MED12L: variants seen among roughly 807,000 people sequenced by gnomAD.
The protein encoded by MED12L is mediator of RNA polymerase II transcription subunit 12-like protein.
MED12L carries 60 observed loss-of-function variants against 281.3 expected under a neutral mutation model. The observed-to-expected ratio is 0.21, with a 90% CI of 0.17 to 0.26. The LOEUF (loss-of-function observed/expected upper bound fraction) is 0.26. MED12L is among the 10% of genes least tolerant of loss of function. The pLI, the probability that MED12L is intolerant of heterozygous loss-of-function variation, is 1.00. For synonymous variants in MED12L, 974 were observed against 987.2 expected, an observed-to-expected ratio of 0.99 and a Z score of 0.25; for missense variants, 2,146 against 2,680.9, an observed-to-expected ratio of 0.80 and a Z score of 4.41.
At chr3:151,127,690 T>C in intron 4 of MED12L, 135 bp from the exon 5 acceptor site, 1 of 593,842 alleles carries the variant, frequency 1.7e-6, no homozygotes, top group Non-Finnish European at 2.8e-6. Flanking sequence ...TATTTGAAAA[T>C]CCATCAAGGA....
chr3:151,160,457 G>T (rs1016510404), intron 8 of MED12L, among the ~76,000 whole-genome samples: 1 of 152,144 alleles, frequency 6.6e-6, no homozygotes, highest in African/African-American at 2.4e-5. Context: ...CACATCTTGG[G>T]TTGGTTGCCT....
At chr3:151,206,519 A>G (rs1226441795) in intron 16 of MED12L, among the ~76,000 whole-genome samples, 1 of 151,924 alleles carries the variant, frequency 6.6e-6, no homozygotes, top group African/African-American at 2.4e-5. Flanking sequence ...ATGGAGGGGA[A>G]ATTTATAATA....
chr3:151,183,183 A>G (rs773333610), intron 11 of MED12L, among the ~76,000 whole-genome samples: 2 of 152,172 alleles, frequency 1.3e-5, no homozygotes, highest in Admixed American at 6.5e-5. Flanking sequence ...AATCTCCTGT[A>G]GTCCTCTCTC....
intron 16 of MED12L, among the ~76,000 whole-genome samples, chr3:151,267,331 G>T (rs1192193350): frequency 6.6e-6 from 1 of 152,178 alleles, no homozygotes; most frequent in Non-Finnish European, 1.5e-5. Flanking sequence ...TACTTCATGA[G>T]AAAAGGAATT....
intron 6 of MED12L, among the ~76,000 whole-genome samples, chr3:151,157,888 A>G (rs2148944312): frequency 6.6e-6 from 1 of 152,340 alleles, no homozygotes; most frequent in South Asian, 2.1e-4. Flanking sequence ...CCCAGAAAAC[A>G]GTTTTTTGTT....
At chr3:151,144,540 T>C (rs1717506325) in intron 5 of MED12L, among the ~76,000 whole-genome samples, 5 of 152,188 alleles carry the variant, frequency 3.3e-5, no homozygotes, top group African/African-American at 1.2e-4. Context: ...CTCGGCCCCC[T>C]GTTTTCTGAC....
intron 16 of MED12L, among the ~76,000 whole-genome samples, chr3:151,228,805 T>C (rs142609081): frequency 2.2e-4 from 34 of 152,328 alleles, no homozygotes; most frequent in African/African-American, 3.1e-4. Context: ...TGGAACTAGG[T>C]TGAGCTGCCT....
At chr3:151,129,189 G>A (rs939811874) in intron 5 of MED12L, among the ~76,000 whole-genome samples, 10 of 152,224 alleles carry the variant, frequency 6.6e-5, no homozygotes, top group Non-Finnish European at 1.0e-4. Context: ...GCCAGGTGGT[G>A]CCCTGGATAA....
intron 16 of MED12L, among the ~76,000 whole-genome samples, chr3:151,339,682 T>C (rs1014380966): frequency 2.0e-5 from 3 of 152,016 alleles, no homozygotes; most frequent in African/African-American, 7.2e-5. Context: ...TGTGTATATA[T>C]GGTCATGAGT....
At chr3:151,101,278 G>A (rs1025523571) in intron 2 of MED12L, among the ~76,000 whole-genome samples, 1 of 152,146 alleles carries the variant, frequency 6.6e-6, no homozygotes, top group Non-Finnish European at 1.5e-5. Flanking sequence ...CATTATAATA[G>A]CCACTATTTA....
intron 38 of MED12L, among the ~76,000 whole-genome samples, chr3:151,391,798 T>C (rs1286576053): frequency 6.6e-6 from 1 of 152,208 alleles, no homozygotes; most frequent in African/African-American, 2.4e-5. Flanking sequence ...TTTTTCCTAT[T>C]ATGTTCACTG....
rs1577330005 is a variant in MED12L, at chr3:151,323,303, T to C, written c.2251-26756T>C. 2.0e-5 allele frequency among the ~76,000 whole-genome samples: 3 copies of C among 152,174 alleles called. No homozygotes were observed. In the South Asian group the frequency reaches 6.2e-4, roughly 32 times the overall value. On this transcript the variant is annotated intron_variant, in intron 16 of 44. Coordinates refer to ENST00000687756, the MANE Select transcript of MED12L (RefSeq NM_001393769.1). ...GGCCTCACTGGCTCTTCCTTCAGTC[T>C]AGAATCATCCTATAGTTGGTCAATT...
intron 16 of MED12L, among the ~76,000 whole-genome samples, chr3:151,247,308 G>T (rs545145667): frequency 6.3e-4 from 96 of 152,130 alleles, no homozygotes; most frequent in Middle Eastern, 3.4e-3. Context: ...AAAGACACAT[G>T]CACACGTATG....
In MED12L at chr3:151,378,095, C is replaced by T. The variant is rs766533846; in HGVS notation, c.4400C>T (p.Ala1467Val). Residue 1467 changes from alanine to valine, a missense_variant, in exon 31 of 45, where the codon GCC (alanine) becomes GTC (valine). Ala to Val is a moderately conservative substitution (Grantham distance 64). Transcript: ENST00000687756. ...PTSVQGRVLK[A>V]AGEELEKGQH... ...TCTGTGCAAGGAAGAGTGCTGAAAG[C>T]CGCTGGGGAAGAGCTGGAGAAGGGA... 6.8e-6 allele frequency: 11 copies of T among 1,611,516 alleles called. No homozygotes were observed. In the South Asian group the frequency reaches 1.1e-4, roughly 16 times the overall value.
At chr3:151,105,653 G>C (rs957047712) in intron 2 of MED12L, among the ~76,000 whole-genome samples, 1 of 151,908 alleles carries the variant, frequency 6.6e-6, no homozygotes, top group African/African-American at 2.4e-5. Flanking sequence ...TTTTTCCCAG[G>C]GTCTGTCTTA....
At chr3:151,369,673 C>A in intron 26 of MED12L, 124 bp downstream of exon 26, 1 of 600,820 alleles carries the variant, frequency 1.7e-6, no homozygotes, top group Non-Finnish European at 2.8e-6. Context: ...GCTTATTCTC[C>A]TGGAAAAATT....
At chr3:151,131,824 T>C (rs540862487) in intron 5 of MED12L, among the ~76,000 whole-genome samples, 75 of 152,194 alleles carry the variant, frequency 4.9e-4, no homozygotes, top group African/African-American at 1.7e-3. Flanking sequence ...ATTAATTTCC[T>C]TATCACTATG....
chr3:151,137,172 G>GAA (rs776196596), intron 5 of MED12L, among the ~76,000 whole-genome samples: 26 of 125,702 alleles, frequency 2.1e-4, no homozygotes, highest in East Asian at 1.1e-3. Context: ...AAAAAAAAAA[G>GAA]AAAAAAAAAA....
chr3:151,158,538 G>GT, intron 6 of MED12L, 151 bp from the exon 7 acceptor site: 1 of 532,624 alleles, frequency 1.9e-6, no homozygotes, highest in Non-Finnish European at 3.3e-6. Context: ...TTAGTTATTT[G>GT]TTTTGTTTAG....
Sources: gnomAD v4.1 joint callset for allele counts (sites outside exome capture counted in the v4.1 genomes callset) on GRCh38, gnomAD v4.1.1 for gene constraint, MANE v1.5 for transcripts, NCBI Gene and HGNC (gene_info 2026-07-23, HGNC 2026-07-21) for gene names.